The following SOX5 variants were observed in gnomAD, a reference collection of about 807,000 sequenced individuals.
SOX5 encodes SRY-box transcription factor 5.
SOX5 carries 9 observed loss-of-function variants against 92.0 expected under a neutral mutation model. That is an observed-to-expected ratio of 0.10 (90% CI 0.06 to 0.17). The LOEUF is 0.17. SOX5 is among the 10% of genes least tolerant of loss of function. The pLI, the probability that SOX5 is intolerant of heterozygous loss-of-function variation, is 1.00. For synonymous variants in SOX5, 344 were observed against 336.3 expected (o/e 1.02, Z -0.25); for missense variants, 642 against 944.5 (o/e 0.68, Z 4.20).
chr12:24,350,550 G>A (rs1953942873), intron 2 of SOX5, among the ~76,000 whole-genome samples: 1 of 152,048 alleles, frequency 6.6e-6, no homozygotes, highest in East Asian at 1.9e-4. Flanking sequence ...TCCTGTGTTG[G>A]CCAGGCTGGT....
intron 4 of SOX5, among the ~76,000 whole-genome samples, chr12:24,204,034 T>C (rs1957783983): frequency 1.3e-5 from 2 of 152,070 alleles, no homozygotes; most frequent in African/African-American, 4.8e-5. Context: ...ACCTCTTCAC[T>C]CTTGCTCCCT....
chr12:23,582,584 T>C lies in SOX5; in HGVS notation c.1165-6746A>G, dbSNP rs548592069. Among the ~76,000 whole-genome samples the C allele has an allele frequency of 1.3e-4, 20 of 152,226 alleles. 1 individual carries two copies. The South Asian group carries it at 1.4e-3, about 11-fold the overall frequency. On this transcript the variant is annotated intron_variant, in intron 9 of 14. Transcript: ENST00000451604. The stretch of plus-strand genomic sequence containing the variant: ...CATGATCAGTTGCTTACTTTTAGAC[T>C]TACAAATTGCAAAATGCCTTGTTAA...
chr12:23,757,633 T>A (rs1384825351), intron 3 of SOX5, among the ~76,000 whole-genome samples: 2 of 151,942 alleles, frequency 1.3e-5, no homozygotes, highest in African/African-American at 4.8e-5. Context: ...GCCAATACGG[T>A]ATTTGCAATA....
chr12:24,225,648 T>C lies in SOX5; in HGVS notation c.-76-12231A>G, dbSNP rs572555958. Among the ~76,000 whole-genome samples, 3 of 152,300 alleles carry C rather than the reference T, an allele frequency of 2.0e-5. No homozygotes were observed. The Middle Eastern group carries it at 0.01, about 518-fold the overall frequency. ...CTGTACTTCATTGTCATTGTTGATG[T>C]TGTAAATAAAAATTAAAGCAGAAAG... On this transcript the variant is annotated intron_variant, in intron 3 of 4. Coordinates refer to the SOX5 transcript ENST00000446891.
intron 4 of SOX5, among the ~76,000 whole-genome samples, chr12:24,106,791 A>AAATAATAATAATAATAATAAT (rs56341402): frequency 7.3e-6 from 1 of 137,482 alleles, no homozygotes; most frequent in East Asian, 2.1e-4. Flanking sequence ...GACTCGTCTC[A>AAATAATAATAATAATAATAAT]AATAATAATA....
chr12:24,146,735 AG>A (rs1259922044), intron 4 of SOX5, among the ~76,000 whole-genome samples: 3 of 149,180 alleles, frequency 2.0e-5, no homozygotes, highest in African/African-American at 4.9e-5. Flanking sequence ...GCTGGTCAGG[AG>A]GAAAAAAAAA....
chr12:24,328,619 TG>T (rs1950965298), intron 2 of SOX5, among the ~76,000 whole-genome samples: 1 of 152,170 alleles, frequency 6.6e-6, no homozygotes, highest in Non-Finnish European at 1.5e-5. Context: ...CCACAAAAAG[TG>T]GTTAGTGAGG....
intron 1 of SOX5, among the ~76,000 whole-genome samples, chr12:24,465,522 T>G (rs1291268811): frequency 6.6e-6 from 1 of 152,156 alleles, no homozygotes; most frequent in Non-Finnish European, 1.5e-5. Context: ...TCGTAGTGCT[T>G]GCAAACAAAT....
chr12:24,509,357 C>T (rs753309862), intron 1 of SOX5, among the ~76,000 whole-genome samples: 3 of 152,096 alleles, frequency 2.0e-5, no homozygotes, highest in Admixed American at 1.3e-4. Flanking sequence ...TTCTCTCCTA[C>T]CTTTTTTTCC....
At chr12:23,831,692 G>A (rs143575301) in intron 3 of SOX5, among the ~76,000 whole-genome samples, 39 of 152,152 alleles carry the variant, frequency 2.6e-4, no homozygotes, top group African/African-American at 8.9e-4. Context: ...AATAAGTTGT[G>A]CCTTTAGGGT....
intron 3 of SOX5, among the ~76,000 whole-genome samples, chr12:23,814,507 T>G (rs2142509509): frequency 6.6e-6 from 1 of 152,330 alleles, no homozygotes. Flanking sequence ...AGATATTTCT[T>G]GAGCTTATTT....
At chr12:24,257,915 C>T (rs1195444821) in intron 3 of SOX5, among the ~76,000 whole-genome samples, 3 of 152,110 alleles carry the variant, frequency 2.0e-5, no homozygotes, top group African/African-American at 4.8e-5. Context: ...TGGCTCACGC[C>T]TGTAATCCCA....
At chr12:24,361,656 C>T (rs921716709) in intron 2 of SOX5, among the ~76,000 whole-genome samples, 3 of 151,538 alleles carry the variant, frequency 2.0e-5, no homozygotes, top group Admixed American at 6.6e-5. Flanking sequence ...TGCGCATGCA[C>T]GTGCGCACAC....
intron 5 of SOX5, chr12:23,738,596 T>C (rs78404272): frequency 6.6e-6 from 1 of 152,082 alleles, no homozygotes; most frequent in Non-Finnish European, 1.5e-5. Context: ...ATCAAAGGAT[T>C]CTAGAATCCT....
chr12:23,716,431 T>C (rs2092500122), intron 6 of SOX5, among the ~76,000 whole-genome samples: 1 of 152,226 alleles, frequency 6.6e-6, no homozygotes, highest in Non-Finnish European at 1.5e-5. Context: ...TCGATTATGA[T>C]CAAGCAAACT....
intron 1 of SOX5, among the ~76,000 whole-genome samples, chr12:23,921,916 TA>T (rs1423107672): frequency 6.6e-6 from 1 of 152,190 alleles, no homozygotes; most frequent in Non-Finnish European, 1.5e-5. Flanking sequence ...ATTACTAATT[TA>T]TTTTTTTCAA....
intron 4 of SOX5, among the ~76,000 whole-genome samples, chr12:24,146,715 C>T (rs116433147): frequency 6.8e-6 from 1 of 146,070 alleles, no homozygotes; most frequent in African/African-American, 2.5e-5. Context: ...ATTGATGAAT[C>T]GCTAGCCAGG....
chr12:24,036,245 C>T (rs943614093), intron 4 of SOX5, among the ~76,000 whole-genome samples: 1 of 151,980 alleles, frequency 6.6e-6, no homozygotes, highest in African/African-American at 2.4e-5. Flanking sequence ...GTAGCAATAA[C>T]GACAGTTAAT....
intron 11 of SOX5, among the ~76,000 whole-genome samples, chr12:23,556,175 G>GA (rs1283634413): frequency 2.6e-5 from 4 of 151,986 alleles, no homozygotes; most frequent in African/African-American, 9.7e-5. Context: ...TTTTATGAAT[G>GA]AAAAAACAAA....
Sources: allele counts gnomAD v4.1 joint callset (sites outside exome capture counted in the v4.1 genomes callset), GRCh38; gene constraint gnomAD v4.1.1; transcripts MANE v1.5; gene names NCBI Gene and HGNC (gene_info 2026-07-23, HGNC 2026-07-21).